Variants in CACHD1 observed in about 807,000 individuals in gnomAD.
CACHD1 encodes the protein cache domain containing 1.
A neutral mutation model predicts 138.7 loss-of-function variants in CACHD1; 71 were observed. The ratio of observed to expected loss-of-function variants is 0.51; its 90% CI spans 0.42 to 0.62. CACHD1 has a LOEUF of 0.62. Ranked by LOEUF, CACHD1 falls within the 20% of genes least tolerant of loss-of-function variation. The probability of loss-of-function intolerance (pLI) is 0.00; values close to 1 mark genes in which losing one functional copy is unlikely to be tolerated. For missense variants in CACHD1, 1,389 were observed against 1,625.3 expected (o/e 0.85, Z 2.50); for synonymous variants, 578 against 591.5 (o/e 0.98, Z 0.33).
At chr1:64,568,926 G>C (rs1646904603) in intron 2 of CACHD1, among the ~76,000 whole-genome samples, 1 of 151,850 alleles carries the variant, frequency 6.6e-6, no homozygotes, top group Admixed American at 6.6e-5. Context: ...TTTTTTGTTT[G>C]TTTGTTTGTT....
chr1:64,562,272 G>T (rs1557494183), intron 2 of CACHD1, among the ~76,000 whole-genome samples: 1 of 151,914 alleles, frequency 6.6e-6, no homozygotes, highest in Non-Finnish European at 1.5e-5. Context: ...TCTCCTTGTA[G>T]GTCTCTGATT....
At chr1:64,654,854 C>T in intron 12 of CACHD1, 51 bp downstream of exon 12, 1 of 1,353,856 alleles carries the variant, frequency 7.4e-7, no homozygotes, top group Non-Finnish European at 1.1e-6. Context: ...GTACAGTGCT[C>T]TTCTTCATGT....
chr1:64,518,535 T>C (rs941831920), intron 1 of CACHD1, among the ~76,000 whole-genome samples: 24 of 152,232 alleles, frequency 1.6e-4, no homozygotes, highest in Non-Finnish European at 3.2e-4. Flanking sequence ...CAGGGAATGG[T>C]AGAGAAAATG....
At chr1:64,537,388 A>G (rs1013528008) in intron 1 of CACHD1, among the ~76,000 whole-genome samples, 2 of 152,190 alleles carry the variant, frequency 1.3e-5, no homozygotes, top group Non-Finnish European at 2.9e-5. Context: ...ACCTTGGGCT[A>G]AAGTAAACTG....
rs567805795 is a variant in CACHD1 at position 64,639,093 on chromosome 1, T to C, written c.1007-2727T>C. On this transcript the variant is annotated intron_variant, in intron 7 of 26. Coordinates refer to ENST00000651257, the MANE Select transcript of CACHD1 (RefSeq NM_020925.4). ...CAGCTCTAAATGACAGTGTATTTTA[T>C]GCAGAATCATAAGGCTAAGTGAGAC... Among the ~76,000 whole-genome samples the C allele has an allele frequency of 5.9e-5, 9 of 152,294 alleles. No individual in the cohort carries two copies. The South Asian group carries it at 1.9e-3, about 32-fold the overall frequency.
intron 6 of CACHD1, 46 bp from the exon 7 acceptor site, chr1:64,633,998 G>A: frequency 6.9e-7 from 1 of 1,455,516 alleles, no homozygotes. Flanking sequence ...TCTTTAGACG[G>A]TAGGATAACA....
intron 4 of CACHD1, among the ~76,000 whole-genome samples, chr1:64,605,245 A>G (rs2100584331): frequency 6.6e-6 from 1 of 152,278 alleles, no homozygotes; most frequent in East Asian, 1.9e-4. Flanking sequence ...GATTACAAGC[A>G]TGAGCCACCG....
In CACHD1 at chr1:64,624,304, A is replaced by G. The variant is rs960157480; in HGVS notation, c.518-5051A>G. On this transcript the variant is annotated intron_variant, in intron 4 of 26. Coordinates refer to ENST00000651257, the MANE Select transcript of CACHD1 (RefSeq NM_020925.4). ...GATCTTTTGTGGTGAGACTAAATGT[A>G]TCATGCACTATATGAGTTCTGATTT... Among the ~76,000 whole-genome samples the G allele has an allele frequency of 9.9e-5, 15 of 152,218 alleles. No individual in the cohort carries two copies. The East Asian group carries it at 1.3e-3, about 14-fold the overall frequency.
intron 4 of CACHD1, among the ~76,000 whole-genome samples, chr1:64,624,972 G>A (rs1187619693): frequency 2.6e-5 from 4 of 152,190 alleles, no homozygotes; most frequent in African/African-American, 7.2e-5. Flanking sequence ...TTGGCACACA[G>A]CCCATTCATT....
chr1:64,629,367 AC>A lies in CACHD1; in HGVS notation c.532del (p.Leu178Ter). On this transcript the variant is annotated frameshift_variant, in exon 5 of 27. Coordinates refer to ENST00000651257, the MANE Select transcript of CACHD1 (RefSeq NM_020925.4). LOFTEE classifies it high-confidence loss of function. ...GRDLNSVLAD[N>X]LKSNPGIKWQ... is the part of the protein sequence containing the mutation. ...CTTACACCTCTAGTTCTTGCAGACA[AC>A]CTGAAATCCAACCCTGGAATTAAGT... The A allele has an allele frequency of 6.2e-7, 1 of 1,614,020 alleles. No individual in the cohort carries two copies. Among genetic ancestry groups the A allele is most frequent in the Non-Finnish European group, 8.5e-7 (1 of 1,179,932 alleles).
chr1:64,586,379 C>T (rs1647051985), intron 3 of CACHD1, among the ~76,000 whole-genome samples: 2 of 152,212 alleles, frequency 1.3e-5, no homozygotes, highest in African/African-American at 2.4e-5. Flanking sequence ...CCAGCTGACA[C>T]TTTCCTATAT....
chr1:64,654,056 G>A (rs747732077), intron 11 of CACHD1, among the ~76,000 whole-genome samples, 175 bp downstream of exon 11: 1 of 152,126 alleles, frequency 6.6e-6, no homozygotes, highest in Admixed American at 6.5e-5. Context: ...TGCTTACTTT[G>A]TATCACAGAT....
intron 3 of CACHD1, among the ~76,000 whole-genome samples, chr1:64,589,473 C>CGT (rs948748291): frequency 2.0e-5 from 3 of 151,174 alleles, no homozygotes; most frequent in Non-Finnish European, 4.4e-5. Flanking sequence ...GAACCAATAG[C>CGT]GTGTGTGTGT....
rs551616431 is a variant in CACHD1 at position 64,512,393 on chromosome 1, CAAAAA to C, written c.199-38179_199-38175del. Among the ~76,000 whole-genome samples the C allele has an allele frequency of 3.1e-4, 24 of 78,586 alleles. No individual in the cohort carries two copies. The South Asian group carries it at 4.3e-3, about 14-fold the overall frequency. The allele number at this position is 78,586 out of a possible 152,430, so 51.6% of individuals were successfully genotyped here. ...TCGGTGACACAGTGAGACTGTGTCT[CAAAAA>C]AAAAAAAAAAAAAAAAAAAAAGCAG... On this transcript the variant is annotated intron_variant, in intron 1 of 26. Coordinates refer to ENST00000651257, the MANE Select transcript of CACHD1 (RefSeq NM_020925.4).
rs763514186 is a variant in CACHD1, at chr1:64,676,001, AATAATAATAATAAT to A, written c.2975+20_2975+33del. Reference sequence around the variant, plus strand: ...GAGAACCGGTAAAATAATTAATAATAATAATAATAATAATAATAATAATAATAATAATAATAATA... The same window carrying A: ...GAGAACCGGTAAAATAATTAATAATAAATAATAATAATAATAATAATAATA... On this transcript the variant is annotated intron_variant, in intron 21 of 26. Transcript: ENST00000651257. 2.2e-4 allele frequency: 36 copies of A among 166,260 alleles called. No individual in the cohort carries two copies. The African/African-American group carries it at 2.4e-3, about 11-fold the overall frequency. 10.3% of individuals were successfully genotyped at this position (166,260 alleles called of 1,614,324 possible).
At chr1:64,578,325 A>C (rs1197434718) in intron 2 of CACHD1, among the ~76,000 whole-genome samples, 1 of 152,072 alleles carries the variant, frequency 6.6e-6, no homozygotes, top group Non-Finnish European at 1.5e-5. Context: ...TTTCTGAAGA[A>C]CCCTGAAATC....
chr1:64,540,342 T>C (rs1040048571), intron 1 of CACHD1, among the ~76,000 whole-genome samples: 2 of 151,946 alleles, frequency 1.3e-5, no homozygotes, highest in Non-Finnish European at 2.9e-5. Flanking sequence ...CGTTTGGTGT[T>C]GGGAGAGTGA....
chr1:64,658,736 T>C lies in CACHD1; in HGVS notation c.1814T>C (p.Val605Ala). 6.2e-7 allele frequency: 1 copy of C among 1,612,042 alleles called. No homozygotes were observed. The highest frequency in any genetic ancestry group is 8.5e-7 in the Non-Finnish European group (1 of 1,178,918). ...GACACTTCCTTTATTCTGTGTATTG[T>C]GGTGATACAACCAGAAATACCTGTG... ...VQDTSFILCIVVIQPEIPVKQ... is the reference protein window; with the variant it reads ...VQDTSFILCIAVIQPEIPVKQ... The change falls in exon 13 of 27, where the codon GTG (valine) becomes GCG (alanine). Residue 605 changes from valine (V) to alanine (A), a missense_variant. Around this residue, in one of 5 missense-constraint regions of CACHD1, gnomAD observed 1,000 missense variants for 1,114.7 expected, o/e 0.90. Coordinates refer to ENST00000651257, the MANE Select transcript of CACHD1 (RefSeq NM_020925.4).
rs376151800 is a variant in CACHD1 at position 64,647,793 on chromosome 1, C to T, written c.1157-8C>T. 72 of 1,613,332 alleles carry T rather than the reference C, an allele frequency of 4.5e-5. No homozygotes were observed. Among genetic ancestry groups the T allele is most frequent in the Non-Finnish European group, 5.9e-5 (70 of 1,179,542 alleles). ...TTTCCGTGGTCTTCTCTCGGCTTTC[C>T]ATTTTAGATGGGGTGACTGGTTTGA... On this transcript the variant is annotated splice_polypyrimidine_tract_variant and splice_region_variant and intron_variant, in intron 8 of 26. Coordinates refer to ENST00000651257, the MANE Select transcript of CACHD1 (RefSeq NM_020925.4).
Sources: gnomAD v4.1 joint callset for allele counts (sites outside exome capture counted in the v4.1 genomes callset) on GRCh38, gnomAD v4.1.1 for gene constraint, gnomAD v4.1.1 regional missense constraint, MANE v1.5 for transcripts, NCBI Gene and HGNC (gene_info 2026-07-23, HGNC 2026-07-21) for gene names.